Variants in RANBP2 observed in about 807,000 individuals in gnomAD.
RANBP2 encodes the protein E3 SUMO-protein ligase RanBP2.
RANBP2 carries 57 observed loss-of-function variants against 303.6 expected under a neutral mutation model. The observed-to-expected ratio is 0.19, with a 90% CI of 0.15 to 0.23. The LOEUF (loss-of-function observed/expected upper bound fraction) is 0.23, where lower values mean the gene tolerates loss of function less well. Among genes scored for constraint, RANBP2 ranks in the 10% least tolerant of loss-of-function variants. The pLI is 1.00. For missense variants in RANBP2, 3,138 were observed against 3,780.8 expected (o/e 0.83, Z 4.46); for synonymous variants, 1,167 against 1,301.5 (o/e 0.90, Z 2.23).
the RANBP2 span, among the ~76,000 whole-genome samples, chr2:109,391,427 C>T: frequency 6.6e-6 from 1 of 152,206 alleles, no homozygotes; most frequent in Non-Finnish European, 1.5e-5. Context: ...GGGTGCGGGT[C>T]ACCCATGGGC....
chr2:108,805,866 G>A, the RANBP2 span, among the ~76,000 whole-genome samples: 2 of 152,184 alleles, frequency 1.3e-5, no homozygotes, highest in African/African-American at 4.8e-5. Flanking sequence ...GTATGTTAAA[G>A]AGAGACAAGA....
At chr2:109,632,902 C>G in the RANBP2 span, among the ~76,000 whole-genome samples, 1 of 152,108 alleles carries the variant, frequency 6.6e-6, no homozygotes, top group African/African-American at 2.4e-5. Context: ...AGATTTCTTT[C>G]CCTTCAAATT....
the RANBP2 span, among the ~76,000 whole-genome samples, chr2:109,005,889 A>G: frequency 5.1e-3 from 779 of 152,336 alleles, 5 homozygotes; most frequent in African/African-American, 0.018. Flanking sequence ...AGCCTGGGGA[A>G]TGGTGCCCAC....
At chr2:108,961,517 C>T in the RANBP2 span, among the ~76,000 whole-genome samples, 1 of 152,316 alleles carries the variant, frequency 6.6e-6, no homozygotes, top group East Asian at 1.9e-4. Context: ...TCCTGGTTCC[C>T]GCTGCCTACA....
the RANBP2 span, among the ~76,000 whole-genome samples, chr2:108,844,765 T>TTTTTA: frequency 6.7e-6 from 1 of 148,416 alleles, no homozygotes; most frequent in African/African-American, 2.5e-5. Context: ...TTTTTTTTTT[T>TTTTTA]GAGACAGAGT....
chr2:109,361,937 G>C, the RANBP2 span, among the ~76,000 whole-genome samples: 1 of 152,012 alleles, frequency 6.6e-6, no homozygotes, highest in Non-Finnish European at 1.5e-5. Flanking sequence ...TTTTATTCCT[G>C]ATATTAGTAC....
chr2:109,616,998 T>G, the RANBP2 span: 1 of 166,982 alleles, frequency 6.0e-6, no homozygotes, highest in Non-Finnish European at 1.5e-5. Context: ...TGCTTAGAGC[T>G]GAATTACCTA....
chr2:108,794,824 A>G, the RANBP2 span: 3 of 934,738 alleles, frequency 3.2e-6, no homozygotes, highest in South Asian at 1.7e-5. Flanking sequence ...ATTACTTTAG[A>G]TAAGTTTGTC....
chr2:109,422,964 C>T, the RANBP2 span, among the ~76,000 whole-genome samples: 1 of 152,142 alleles, frequency 6.6e-6, no homozygotes, highest in Non-Finnish European at 1.5e-5. Flanking sequence ...ACGCCTGGGT[C>T]TGACTCGGTC....
the RANBP2 span, among the ~76,000 whole-genome samples, chr2:109,629,579 G>A: frequency 6.6e-6 from 1 of 151,744 alleles, no homozygotes; most frequent in African/African-American, 2.4e-5. Context: ...TTGGGAGGCT[G>A]AGGCAGGTGG....
At chr2:108,922,516 C>T in the RANBP2 span, among the ~76,000 whole-genome samples, 14 of 152,230 alleles carry the variant, frequency 9.2e-5, no homozygotes, top group South Asian at 2.5e-3. Context: ...GGAGATGCTG[C>T]GCCCCATTCC....
At chr2:109,229,694 A>G in the RANBP2 span, among the ~76,000 whole-genome samples, 176 of 152,298 alleles carry the variant, frequency 1.2e-3, 2 homozygotes, top group South Asian at 0.035. Flanking sequence ...AGACATGGTG[A>G]CTACATCTAG....
chr2:108,744,168 C>T (rs1283213778), intron 7 of RANBP2, among the ~76,000 whole-genome samples: 5 of 152,188 alleles, frequency 3.3e-5, no homozygotes, highest in Admixed American at 3.3e-4. Context: ...CTTTGGGAGG[C>T]TGAGGCGGGC....
the RANBP2 span, chr2:109,585,144 T>C: frequency 7.6e-6 from 12 of 1,578,796 alleles, no homozygotes; most frequent in Non-Finnish European, 9.4e-6. Context: ...TTTATTTATT[T>C]GGTCACCAAA....
At chr2:109,644,275 C>T in the RANBP2 span, among the ~76,000 whole-genome samples, 1 of 152,166 alleles carries the variant, frequency 6.6e-6, no homozygotes, top group Non-Finnish European at 1.5e-5. Context: ...CCACTGCACT[C>T]CAGCCTGGGC....
At position 108,753,569 on chromosome 2, in the gene RANBP2, T is replaced by C. The variant is rs1676074087; in HGVS notation, c.2055+6T>C. 5 of 1,609,850 alleles carry C rather than the reference T, an allele frequency of 3.1e-6. No individual in the cohort carries two copies. Among genetic ancestry groups the C allele is most frequent in the East Asian group, 2.2e-5 (1 of 44,862 alleles). ...CTTATTGGAATCTTGCACTGGTAAG[T>C]AGATGCAGTACTTGAGCTAAAAGTT... is the stretch of plus-strand genomic sequence containing the variant. On this transcript the variant is annotated splice_donor_region_variant and intron_variant, in intron 14 of 28. Coordinates refer to ENST00000283195, the MANE Select transcript of RANBP2 (RefSeq NM_006267.5).
At chr2:108,881,407 T>A in the RANBP2 span, among the ~76,000 whole-genome samples, 1 of 152,242 alleles carries the variant, frequency 6.6e-6, no homozygotes, top group Non-Finnish European at 1.5e-5. Flanking sequence ...CCGATTTGTA[T>A]CAAGACCACT....
the RANBP2 span, among the ~76,000 whole-genome samples, chr2:109,179,998 A>G: frequency 6.6e-6 from 1 of 152,168 alleles, no homozygotes; most frequent in Non-Finnish European, 1.5e-5. Flanking sequence ...TTGGGTTGCA[A>G]GAATCAGACC....
the RANBP2 span, among the ~76,000 whole-genome samples, chr2:109,506,090 CAGAG>C: frequency 1.3e-5 from 2 of 152,328 alleles, no homozygotes; most frequent in East Asian, 1.9e-4. Flanking sequence ...TTAGCAACCA[CAGAG>C]AGAACAGTGG....
Sources: allele counts gnomAD v4.1 joint callset (sites outside exome capture counted in the v4.1 genomes callset), GRCh38; gene constraint gnomAD v4.1.1; transcripts MANE v1.5; gene names NCBI Gene and HGNC (gene_info 2026-07-23, HGNC 2026-07-21).